TAX1BP1: variants seen among roughly 807,000 people sequenced by gnomAD.
TAX1BP1 encodes tax1-binding protein 1.
A neutral mutation model predicts 97.7 loss-of-function variants in TAX1BP1; 62 were observed. That is an observed-to-expected ratio of 0.63 (90% CI 0.52 to 0.78). The LOEUF (loss-of-function observed/expected upper bound fraction) is 0.78. Ranked by LOEUF, TAX1BP1 falls within the 30% of genes least tolerant of loss-of-function variation. TAX1BP1 has a pLI of 0.00. For synonymous variants in TAX1BP1, 340 were observed against 304.2 expected, an observed-to-expected ratio of 1.12 and a Z score of -1.23; for missense variants, 867 against 916.1, an observed-to-expected ratio of 0.95 and a Z score of 0.69.
chr7:27,785,863 G>C (rs1227896439), intron 7 of TAX1BP1, among the ~76,000 whole-genome samples: 1 of 152,132 alleles, frequency 6.6e-6, no homozygotes, highest in East Asian at 1.9e-4. Context: ...CTAAAAGTTA[G>C]TTTTCAGGGA....
chr7:27,793,887 A>G (rs370351982), intron 10 of TAX1BP1, among the ~76,000 whole-genome samples: 8 of 152,230 alleles, frequency 5.3e-5, no homozygotes, highest in Non-Finnish European at 5.9e-5. Flanking sequence ...TATGTGATGC[A>G]TATGATACTT....
At chr7:27,745,870 C>A (rs970464415) in intron 1 of TAX1BP1, among the ~76,000 whole-genome samples, 4 of 151,822 alleles carry the variant, frequency 2.6e-5, no homozygotes, top group Non-Finnish European at 5.9e-5. Flanking sequence ...TTACACACAT[C>A]CCTTATAAGA....
At chr7:27,777,692 T>C (rs962812460) in intron 5 of TAX1BP1, among the ~76,000 whole-genome samples, 1 of 152,184 alleles carries the variant, frequency 6.6e-6, no homozygotes, top group African/African-American at 2.4e-5. Flanking sequence ...CTCCTTAGCT[T>C]TCCTAGACTC....
rs1036930140 is a variant in TAX1BP1 at position 27,804,011 on chromosome 7, AT to A, written c.1764+3929del. Among the ~76,000 whole-genome samples the A allele has an allele frequency of 3.9e-5, 6 of 151,986 alleles. No homozygotes were observed. The East Asian group carries it at 9.6e-4, about 24-fold the overall frequency. On this transcript the variant is annotated intron_variant, in intron 13 of 16. Transcript: ENST00000396319. ...TTATATCAGGGAAAAACAATTGATAATTTTTTTTGCCATTGATAATATTTGA... is the reference window on the plus strand; with the variant it reads ...TTATATCAGGGAAAAACAATTGATAATTTTTTTGCCATTGATAATATTTGA...
chr7:27,796,003 A>G, intron 11 of TAX1BP1, 113 bp from the exon 12 acceptor site: 1 of 716,504 alleles, frequency 1.4e-6, no homozygotes, highest in Non-Finnish European at 2.4e-6. Context: ...TCTGTCCTTC[A>G]GCATTCCATT....
intron 2 of TAX1BP1, among the ~76,000 whole-genome samples, chr7:27,752,361 T>C (rs981717796): frequency 7.2e-5 from 11 of 152,190 alleles, no homozygotes; most frequent in African/African-American, 2.7e-4. Flanking sequence ...AATAATGTCA[T>C]AGGGAATCGG....
At chr7:27,789,501 T>C (rs1416682386) in intron 8 of TAX1BP1, among the ~76,000 whole-genome samples, 7 of 151,968 alleles carry the variant, frequency 4.6e-5, no homozygotes, top group Admixed American at 4.6e-4. Flanking sequence ...AGCTTATATA[T>C]GCATGTGTAC....
intron 8 of TAX1BP1, among the ~76,000 whole-genome samples, chr7:27,788,530 A>G (rs1256369223): frequency 6.6e-6 from 1 of 152,152 alleles, no homozygotes; most frequent in East Asian, 1.9e-4. Flanking sequence ...TGCCTTCTAC[A>G]TTTATTTGTA....
At chr7:27,807,248 A>G (rs1446081898) in intron 13 of TAX1BP1, among the ~76,000 whole-genome samples, 1 of 152,174 alleles carries the variant, frequency 6.6e-6, no homozygotes, top group East Asian at 1.9e-4. Flanking sequence ...CAGCCATGTT[A>G]AAGTTAACAG....
chr7:27,814,043 G>T (rs1020465785), intron 13 of TAX1BP1, among the ~76,000 whole-genome samples: 1 of 150,690 alleles, frequency 6.6e-6, no homozygotes, highest in Admixed American at 6.6e-5. Flanking sequence ...TGATCCGCCC[G>T]CCTCGGCCTC....
At chr7:27,824,438 T>TA (rs993737828) in intron 15 of TAX1BP1, among the ~76,000 whole-genome samples, 6 of 149,776 alleles carry the variant, frequency 4.0e-5, no homozygotes, top group Non-Finnish European at 8.9e-5. Context: ...CCGGTAGTCC[T>TA]AGCTACCTGG....
In TAX1BP1 at chr7:27,794,319, A is replaced by G; in HGVS notation, c.1411-4A>G. ...ATTTAACAACTTATTAACATTTTGA[A>G]TAGGCTAATAATAATAATGTCTTCA... On this transcript the variant is annotated splice_region_variant and splice_polypyrimidine_tract_variant and intron_variant, in intron 10 of 16. Transcript: ENST00000396319. The G allele has an allele frequency of 1.2e-6, 2 of 1,601,718 alleles. No individual in the cohort carries two copies. The highest frequency in any genetic ancestry group is 1.7e-6 in the Non-Finnish European group (2 of 1,173,294).
intron 4 of TAX1BP1, 144 bp from the exon 5 acceptor site, chr7:27,769,532 C>A: frequency 3.4e-6 from 2 of 594,752 alleles, no homozygotes; most frequent in Non-Finnish European, 5.6e-6. Context: ...TAAAAAAAGG[C>A]TGATTGATAT....
intron 15 of TAX1BP1, among the ~76,000 whole-genome samples, chr7:27,824,577 CT>C (rs1217143531): frequency 1.6e-4 from 22 of 134,654 alleles, no homozygotes; most frequent in African/African-American, 5.9e-4. Context: ...AAAAAAATTA[CT>C]GTTCAAATGT....
At chr7:27,753,263 G>A (rs1651100573) in intron 2 of TAX1BP1, among the ~76,000 whole-genome samples, 1 of 152,018 alleles carries the variant, frequency 6.6e-6, no homozygotes, top group African/African-American at 2.4e-5. Context: ...TTGTACCACT[G>A]CACTCCAGCC....
intron 13 of TAX1BP1, 57 bp downstream of exon 13, chr7:27,800,147 A>C (rs1263823479): frequency 1.4e-6 from 2 of 1,455,000 alleles, no homozygotes; most frequent in African/African-American, 2.9e-5. Flanking sequence ...AAAATTAGTT[A>C]TGTATAATTT....
intron 13 of TAX1BP1, among the ~76,000 whole-genome samples, chr7:27,813,679 A>C (rs1790647921): frequency 6.6e-6 from 1 of 152,000 alleles, no homozygotes; most frequent in East Asian, 1.9e-4. Flanking sequence ...TATGTTGTCC[A>C]GGCTTGTCTC....
intron 3 of TAX1BP1, among the ~76,000 whole-genome samples, chr7:27,765,009 G>GTTTTGTT (rs1788570089): frequency 1.2e-5 from 1 of 81,086 alleles, no homozygotes; most frequent in African/African-American, 5.8e-5. Flanking sequence ...TCTCCTCTCT[G>GTTTTGTT]TTTTTTTTTT....
intron 8 of TAX1BP1, among the ~76,000 whole-genome samples, chr7:27,791,387 T>C (rs1453948975): frequency 1.1e-4 from 17 of 152,188 alleles, no homozygotes; most frequent in Admixed American, 6.6e-5. Context: ...AATTTCACCA[T>C]GGCAATTTTA....
Sources: gnomAD v4.1 joint callset for allele counts (sites outside exome capture counted in the v4.1 genomes callset) on GRCh38, gnomAD v4.1.1 for gene constraint, MANE v1.5 for transcripts, NCBI Gene and HGNC (gene_info 2026-07-23, HGNC 2026-07-21) for gene names.